The following YTHDC1 variants were observed in gnomAD, a reference collection of about 807,000 sequenced individuals.
The protein encoded by YTHDC1 is YTH N6-methyladenosine RNA binding protein C1.
A neutral mutation model predicts 107.0 loss-of-function variants in YTHDC1; 12 were observed. The observed-to-expected ratio is 0.11, with a 90% CI of 0.07 to 0.18. The LOEUF is 0.18. Ranked by LOEUF, YTHDC1 falls within the 10% of genes least tolerant of loss-of-function variation. The pLI is 1.00. For synonymous variants in YTHDC1, 280 were observed against 289.5 expected, an observed-to-expected ratio of 0.97 and a Z score of 0.33; for missense variants, 635 against 898.8, an observed-to-expected ratio of 0.71 and a Z score of 3.75.
In YTHDC1 at chr4:68,333,387, C is replaced by T. The variant is rs1469202709; in HGVS notation, c.894G>A (p.Lys298=). Residue 298 remains lysine, a synonymous_variant, in exon 5 of 17, where the codon AAG becomes AAA. Transcript: ENST00000344157. ...TGCCTCTAGCTCTCTTCCTTTCCTT[C>T]TTTTTCTCATCTAAAAAGAACAAGA... The part of the protein sequence containing the change: ...GSGTDGSDEK[K]KERKRARGIS... The T allele has an allele frequency of 6.2e-7, 1 of 1,605,852 alleles. No homozygotes were observed. The highest frequency in any genetic ancestry group is 8.5e-7 in the Non-Finnish European group (1 of 1,176,844).
chr4:68,349,370 T>C (rs960305704), intron 1 of YTHDC1, among the ~76,000 whole-genome samples: 15 of 152,298 alleles, frequency 9.8e-5, no homozygotes, highest in Admixed American at 3.3e-4. Flanking sequence ...ACAGAAATGG[T>C]TGTCCTGAAA....
intron 9 of YTHDC1, 23 bp from the exon 10 acceptor site, chr4:68,324,246 T>A (rs749548732): frequency 6.3e-7 from 1 of 1,590,292 alleles, no homozygotes; most frequent in Non-Finnish European, 8.6e-7. Flanking sequence ...TAATATCAAT[T>A]ACATTCTTCT....
chr4:68,338,722 T>C (rs1049634654), intron 1 of YTHDC1, among the ~76,000 whole-genome samples: 1 of 152,194 alleles, frequency 6.6e-6, no homozygotes, highest in African/African-American at 2.4e-5. Flanking sequence ...TGGTGGCACA[T>C]GCCTTTAACC....
At chr4:68,335,057 A>G (rs551949698) in intron 4 of YTHDC1, among the ~76,000 whole-genome samples, 12 of 152,222 alleles carry the variant, frequency 7.9e-5, no homozygotes, top group East Asian at 1.9e-4. Context: ...CTCTCCCCCA[A>G]CTATTACTCT....
In YTHDC1 at chr4:68,337,141, G is replaced by C. The variant is rs776786155; in HGVS notation, c.769C>G (p.Gln257Glu). ...EEEYEQDERD[Q>E]KEEGNDYDTR... ...TCATAATCATTTCCCTCCTCTTTCT[G>C]GTCTCTCTCATCCTGTTCATATTCT... is the stretch of plus-strand genomic sequence containing the variant. The change falls in exon 4 of 17, where the codon CAG becomes GAG. Residue 257 changes from glutamine to glutamate, a missense_variant. Coordinates refer to ENST00000344157, the MANE Select transcript of YTHDC1 (RefSeq NM_001031732.4). 6 of 1,613,640 alleles carry C rather than the reference G, an allele frequency of 3.7e-6. No individual in the cohort carries two copies. Among genetic ancestry groups the C allele is most frequent in the Non-Finnish European group, 5.1e-6 (6 of 1,179,902 alleles).
chr4:68,326,516 T>A (rs1723005225), intron 9 of YTHDC1, among the ~76,000 whole-genome samples: 1 of 152,172 alleles, frequency 6.6e-6, no homozygotes, highest in East Asian at 1.9e-4. Context: ...TGTGAGTTCT[T>A]TGAGAACATG....
At chr4:68,328,041 G>A (rs1325423009) in intron 9 of YTHDC1, among the ~76,000 whole-genome samples, 3 of 152,140 alleles carry the variant, frequency 2.0e-5, no homozygotes. Flanking sequence ...CTCTTCGGTT[G>A]CTTGATACAT....
At position 68,322,572 on chromosome 4, in the gene YTHDC1, A is replaced by T; in HGVS notation, c.1601+177T>A. 1 of 697,902 alleles carries T rather than the reference A, an allele frequency of 1.4e-6. No individual in the cohort carries two copies. Among genetic ancestry groups the T allele is most frequent in the Non-Finnish European group, 2.2e-6 (1 of 444,916 alleles). 43.2% of individuals were successfully genotyped at this position (697,902 alleles called of 1,614,324 possible). ...ATCCCCATTTTCCTCTTGAAAAATGACTGAGACCAAGGTGACCATGTGAAA... is the reference window on the plus strand; with the variant it reads ...ATCCCCATTTTCCTCTTGAAAAATGTCTGAGACCAAGGTGACCATGTGAAA... On this transcript the variant is annotated intron_variant, in intron 11 of 16. Coordinates refer to ENST00000344157, the MANE Select transcript of YTHDC1 (RefSeq NM_001031732.4). This position sits in a 1 kb window ranked among gnomAD's most constrained non-coding sequence, Gnocchi z 4.8.
intron 9 of YTHDC1, among the ~76,000 whole-genome samples, 188 bp from the exon 10 acceptor site, chr4:68,324,411 A>G (rs1722760752): frequency 6.6e-6 from 1 of 152,220 alleles, no homozygotes; most frequent in Non-Finnish European, 1.5e-5. Context: ...AGTTTTCTAA[A>G]AAAGAGCTTA....
rs963967159 is a variant in YTHDC1 at position 68,324,014 on chromosome 4, G to C, written c.1434+125C>G. ...CACAGTTATTATAAACTTCAGATAA[G>C]ATTATTTTTTCAAATTCTCACGTGG... On this transcript the variant is annotated intron_variant, in intron 10 of 16. Coordinates refer to ENST00000344157, the MANE Select transcript of YTHDC1 (RefSeq NM_001031732.4). 10 of 786,998 alleles carry C rather than the reference G, an allele frequency of 1.3e-5. No homozygotes were observed. The African/African-American group carries it at 1.7e-4, about 14-fold the overall frequency. 48.8% of individuals were successfully genotyped at this position (786,998 alleles called of 1,614,324 possible). A position where few individuals can be genotyped will look rare whatever the true frequency, so the allele number is the denominator to read the frequency against.
chr4:68,329,921 G>T, intron 9 of YTHDC1, 81 bp downstream of exon 9: 2 of 1,047,708 alleles, frequency 1.9e-6, no homozygotes, highest in South Asian at 2.8e-5. Context: ...AGTATACAGT[G>T]ACTTTTTCAC....
intron 4 of YTHDC1, among the ~76,000 whole-genome samples, chr4:68,336,533 CCAGT>C (rs1382090955): frequency 6.6e-6 from 1 of 152,152 alleles, no homozygotes; most frequent in African/African-American, 2.4e-5. Context: ...CCTGTCTCAG[CCAGT>C]CAACTGACAG....
chr4:68,337,004 C>G lies in YTHDC1; in HGVS notation c.883+23G>C, dbSNP rs202208392. On this transcript the variant is annotated intron_variant, in intron 4 of 16. Transcript: ENST00000344157. ...CCTATCAAGCTTTTTTTAAGACAAACTTTTACATATAAAAAGTAGTACCTG... is the reference window on the plus strand; with the variant it reads ...CCTATCAAGCTTTTTTTAAGACAAAGTTTTACATATAAAAAGTAGTACCTG... 7 of 1,548,240 alleles carry G rather than the reference C, an allele frequency of 4.5e-6. No individual in the cohort carries two copies. The East Asian group carries it at 9.0e-5, about 20-fold the overall frequency.
chr4:68,326,547 G>C (rs1723009228), intron 9 of YTHDC1, among the ~76,000 whole-genome samples: 1 of 152,144 alleles, frequency 6.6e-6, no homozygotes, highest in South Asian at 2.1e-4. Context: ...TCTGACCTAA[G>C]TGGTTCTGCA....
At chr4:68,346,887 T>C (rs1305004458) in intron 1 of YTHDC1, among the ~76,000 whole-genome samples, 2 of 152,218 alleles carry the variant, frequency 1.3e-5, no homozygotes, top group Non-Finnish European at 2.9e-5. Flanking sequence ...TAGGATATAG[T>C]AATATCCATT....
At chr4:68,324,262 A>G (rs373798329) in intron 9 of YTHDC1, 39 bp from the exon 10 acceptor site, 2 of 1,554,300 alleles carry the variant, frequency 1.3e-6, no homozygotes, top group African/African-American at 2.7e-5. Flanking sequence ...CTTCTGCAGA[A>G]TCCTTTAAGG....
chr4:68,317,423 A>G (rs553429497), intron 15 of YTHDC1, among the ~76,000 whole-genome samples: 1 of 152,310 alleles, frequency 6.6e-6, no homozygotes, highest in South Asian at 2.1e-4. Context: ...AAAGTGAAAC[A>G]AAAGTCAGAT....
chr4:68,341,108 A>G (rs977371131), intron 1 of YTHDC1, among the ~76,000 whole-genome samples: 3 of 152,140 alleles, frequency 2.0e-5, no homozygotes, highest in Non-Finnish European at 4.4e-5. Flanking sequence ...TATAAAATAG[A>G]GCATGTTTAA....
intron 4 of YTHDC1, among the ~76,000 whole-genome samples, chr4:68,336,105 C>T (rs1213952688): frequency 1.3e-5 from 2 of 149,084 alleles, no homozygotes; most frequent in African/African-American, 4.9e-5. Flanking sequence ...AAGTACTTTT[C>T]TATACTATAT....
Sources: gnomAD v4.1 joint callset for allele counts (sites outside exome capture counted in the v4.1 genomes callset) on GRCh38, gnomAD v4.1.1 for gene constraint, Gnocchi (gnomAD v3.1) non-coding constraint, MANE v1.5 for transcripts, NCBI Gene and HGNC (gene_info 2026-07-23, HGNC 2026-07-21) for gene names.